Variants in CALN1 observed in about 807,000 individuals in gnomAD.
CALN1 encodes the protein calcium-binding protein 8.
CALN1 carries 17 observed loss-of-function variants against 30.6 expected under a neutral mutation model. That is an observed-to-expected ratio of 0.56 (90% CI 0.38 to 0.83). The LOEUF is 0.83. CALN1 is among the 40% of genes least tolerant of loss of function. The pLI is 0.00. For synonymous variants in CALN1, 156 were observed against 131.4 expected (o/e 1.19, Z -1.28); for missense variants, 291 against 354.9 (o/e 0.82, Z 1.45).
intron 2 of CALN1, among the ~76,000 whole-genome samples, chr7:72,327,870 G>C (rs1245288580): frequency 6.6e-6 from 1 of 151,818 alleles, no homozygotes; most frequent in African/African-American, 2.4e-5. Flanking sequence ...GTTTAAAAGG[G>C]GGAAAAAAAG....
intron 3 of CALN1, among the ~76,000 whole-genome samples, chr7:72,158,047 T>C (rs1408712548): frequency 2.0e-5 from 3 of 152,114 alleles, no homozygotes; most frequent in East Asian, 1.9e-4. Context: ...GCCCAGCCCA[T>C]TTGAAGGTTT....
chr7:72,286,758 G>A (rs547599069), intron 2 of CALN1, among the ~76,000 whole-genome samples: 5 of 152,292 alleles, frequency 3.3e-5, no homozygotes, highest in East Asian at 1.9e-4. Flanking sequence ...AAACACTAAC[G>A]TAGTGGTCTG....
At chr7:71,790,973 T>C (rs1311121087) in intron 6 of CALN1, among the ~76,000 whole-genome samples, 2 of 152,138 alleles carry the variant, frequency 1.3e-5, no homozygotes, top group African/African-American at 4.8e-5. Flanking sequence ...AAGGTCAAGG[T>C]TGTGTTCACA....
chr7:72,066,383 T>A (rs574325166), intron 4 of CALN1, among the ~76,000 whole-genome samples: 1 of 152,200 alleles, frequency 6.6e-6, no homozygotes, highest in Non-Finnish European at 1.5e-5. Flanking sequence ...CCAGCTCATA[T>A]TTTTCTATCT....
intron 3 of CALN1, among the ~76,000 whole-genome samples, chr7:72,111,922 T>C (rs536001022): frequency 2.6e-5 from 4 of 152,188 alleles, no homozygotes; most frequent in African/African-American, 9.6e-5. Context: ...GCTAATTTTT[T>C]GTATTTTTAG....
chr7:71,795,170 C>T (rs1012709100), intron 6 of CALN1, among the ~76,000 whole-genome samples: 4 of 152,252 alleles, frequency 2.6e-5, no homozygotes, highest in South Asian at 2.1e-4. Context: ...TACAGGCATA[C>T]ACCATCACAC....
At chr7:72,038,998 A>G (rs557304315) in intron 4 of CALN1, among the ~76,000 whole-genome samples, 1 of 152,106 alleles carries the variant, frequency 6.6e-6, no homozygotes, top group South Asian at 2.1e-4. Context: ...TCACCCCACA[A>G]TCTTTCTTAA....
At chr7:72,076,560 T>C (rs1386654609) in intron 4 of CALN1, among the ~76,000 whole-genome samples, 3 of 120,134 alleles carry the variant, frequency 2.5e-5, no homozygotes, top group African/African-American at 9.7e-5. Context: ...ATCACGCCAC[T>C]GCACTCTGGC....
At chr7:71,986,195 G>C (rs1293411874) in intron 5 of CALN1, among the ~76,000 whole-genome samples, 1 of 152,014 alleles carries the variant, frequency 6.6e-6, no homozygotes. Context: ...CCACAGGCAT[G>C]TGCCACCACA....
At chr7:71,817,215 A>G (rs1404595361) in intron 5 of CALN1, among the ~76,000 whole-genome samples, 1 of 152,100 alleles carries the variant, frequency 6.6e-6, no homozygotes, top group Admixed American at 6.6e-5. Context: ...TCAATTTTGG[A>G]ATGTTGTAGT....
intron 5 of CALN1, among the ~76,000 whole-genome samples, chr7:71,813,409 G>A (rs17144001): frequency 0.22 from 33,882 of 152,014 alleles, 5,985 homozygotes; most frequent in East Asian, 0.6. Flanking sequence ...CAGCCCTATT[G>A]AAACAAATCA....
upstream of CALN1, among the ~76,000 whole-genome samples, chr7:72,450,539 T>A (rs963611171): frequency 5.3e-5 from 8 of 152,206 alleles, no homozygotes; most frequent in South Asian, 6.2e-4. Flanking sequence ...CTATTCCTAC[T>A]ACGTCCTCCT....
intron 5 of CALN1, among the ~76,000 whole-genome samples, chr7:71,908,725 T>C (rs1794270802): frequency 6.6e-6 from 1 of 152,182 alleles, no homozygotes; most frequent in African/African-American, 2.4e-5. Flanking sequence ...AGTGTCCTCC[T>C]TATTGTGAAA....
intron 5 of CALN1, among the ~76,000 whole-genome samples, chr7:71,945,711 G>A (rs972773875): frequency 5.3e-5 from 8 of 152,180 alleles, no homozygotes; most frequent in African/African-American, 1.4e-4. Flanking sequence ...AGAGGAGATC[G>A]TCTAGCTGCA....
At chr7:72,309,832 C>G (rs992438385) in intron 2 of CALN1, among the ~76,000 whole-genome samples, 1 of 152,168 alleles carries the variant, frequency 6.6e-6, no homozygotes, top group African/African-American at 2.4e-5. Flanking sequence ...CCTTCATCAC[C>G]AGGTCCAGGG....
At chr7:71,845,984 C>T (rs140761475) in intron 5 of CALN1, among the ~76,000 whole-genome samples, 113 of 152,142 alleles carry the variant, frequency 7.4e-4, no homozygotes, top group Middle Eastern at 3.4e-3. Context: ...ACCTGGGAGG[C>T]GGAGGTTGCC....
chr7:72,185,569 T>C (rs1238988230), intron 3 of CALN1, among the ~76,000 whole-genome samples: 2 of 152,088 alleles, frequency 1.3e-5, no homozygotes, highest in African/African-American at 4.8e-5. Context: ...ACTTTGCAGG[T>C]GTGATCAAGT....
the CALN1 span, among the ~76,000 whole-genome samples, chr7:72,465,951 T>A: frequency 1.3e-5 from 2 of 151,908 alleles, no homozygotes; most frequent in South Asian, 4.2e-4. Context: ...CACGAGACAA[T>A]CCTGGGCTTG....
chr7:72,260,182 G>C (rs956295343), intron 3 of CALN1, among the ~76,000 whole-genome samples: 3 of 152,202 alleles, frequency 2.0e-5, no homozygotes, highest in African/African-American at 7.2e-5. Flanking sequence ...CTGGGAGACA[G>C]AGCAAGACTC....
Sources: allele counts gnomAD v4.1 joint callset (sites outside exome capture counted in the v4.1 genomes callset), GRCh38; gene constraint gnomAD v4.1.1; transcripts MANE v1.5; gene names NCBI Gene and HGNC (gene_info 2026-07-23, HGNC 2026-07-21).